Variants in RAB3C observed in about 807,000 individuals in gnomAD.
The protein encoded by RAB3C is ras-related protein Rab-3C.
Under a neutral mutation model 26.4 loss-of-function variants are expected in RAB3C, and 17 were observed. That is an observed-to-expected ratio of 0.64 (90% confidence interval 0.44 to 0.97). RAB3C has a LOEUF of 0.97. Ranked by LOEUF, RAB3C falls within the 50% of genes least tolerant of loss-of-function variation. The pLI, the probability that RAB3C is intolerant of heterozygous loss-of-function variation, is 0.00. For synonymous variants in RAB3C, 91 were observed against 95.9 expected, an observed-to-expected ratio of 0.95 and a Z score of 0.30; for missense variants, 242 against 281.9, an observed-to-expected ratio of 0.86 and a Z score of 1.01.
intron 1 of RAB3C, among the ~76,000 whole-genome samples, chr5:58,609,024 A>G (rs1185814602): frequency 6.6e-6 from 1 of 152,064 alleles, no homozygotes; most frequent in Admixed American, 6.6e-5. Flanking sequence ...GAAACATCAC[A>G]CACTGGGACA....
intron 1 of RAB3C, among the ~76,000 whole-genome samples, chr5:58,601,334 G>T (rs1364903414): frequency 6.6e-6 from 1 of 152,016 alleles, no homozygotes; most frequent in Non-Finnish European, 1.5e-5. Flanking sequence ...TCCTGATTTT[G>T]GTATTAAGGT....
At chr5:58,624,273 A>T (rs1747007597) in intron 2 of RAB3C, among the ~76,000 whole-genome samples, 1 of 152,108 alleles carries the variant, frequency 6.6e-6, no homozygotes, top group African/African-American at 2.4e-5. Context: ...CACAGGGAGG[A>T]TGCCCAACAC....
At position 58,612,518 on chromosome 5, in the gene RAB3C, G is replaced by GTATATATATATATATA. The variant is rs1554044127; in HGVS notation, c.25-5124_25-5123insATATATATATATATAT. On this transcript the variant is annotated intron_variant, in intron 1 of 4. Coordinates refer to ENST00000282878, the MANE Select transcript of RAB3C (RefSeq NM_138453.4). ...TGTGTGTGTGTGTGTGTGTGTGTGT[G>GTATATATATATATATA]TGTATATATATATATATATATATAT... Among the ~76,000 whole-genome samples, 226 of 40,428 alleles carry GTATATATATATATATA rather than the reference G, an allele frequency of 5.6e-3. 5 individuals carry two copies. The highest frequency in any genetic ancestry group is 0.017 in the African/African-American group (215 of 12,488). The allele number at this position is 40,428 out of a possible 152,430, so 26.5% of individuals were successfully genotyped here. A position where few individuals can be genotyped will look rare whatever the true frequency, so the allele number is the denominator to read the frequency against.
intron 3 of RAB3C, among the ~76,000 whole-genome samples, chr5:58,726,534 C>G (rs1416143727): frequency 6.6e-6 from 1 of 151,982 alleles, no homozygotes. Context: ...ACACTCCCCT[C>G]ACTGTTGTCT....
At chr5:58,587,146 A>G (rs1292703784) in intron 1 of RAB3C, among the ~76,000 whole-genome samples, 1 of 152,166 alleles carries the variant, frequency 6.6e-6, no homozygotes, top group Non-Finnish European at 1.5e-5. Flanking sequence ...AACTTAACCT[A>G]TAGCAAAAAT....
At chr5:58,740,772 A>G (rs892901710) in intron 3 of RAB3C, among the ~76,000 whole-genome samples, 1 of 152,292 alleles carries the variant, frequency 6.6e-6, no homozygotes, top group South Asian at 2.1e-4. Context: ...GTGAGCTGAG[A>G]TCATGCCACT....
intron 1 of RAB3C, among the ~76,000 whole-genome samples, chr5:58,583,681 A>G (rs1352171620): frequency 2.6e-5 from 4 of 152,182 alleles, no homozygotes; most frequent in Non-Finnish European, 5.9e-5. Context: ...GGCGCATTAA[A>G]TAAAGAGAAG....
At chr5:58,809,386 A>G (rs1297546359) in intron 3 of RAB3C, among the ~76,000 whole-genome samples, 2 of 28,738 alleles carry the variant, frequency 7.0e-5, no homozygotes, top group East Asian at 7.7e-4. Flanking sequence ...TTTTTCTCAG[A>G]AAAAAAAAAA....
intron 3 of RAB3C, among the ~76,000 whole-genome samples, chr5:58,732,381 A>T (rs183855499): frequency 3.4e-4 from 52 of 152,256 alleles, no homozygotes; most frequent in African/African-American, 1.2e-3. Flanking sequence ...CAGGGCAATA[A>T]GAAACTTCAA....
intron 3 of RAB3C, among the ~76,000 whole-genome samples, chr5:58,727,178 T>G (rs994838270): frequency 6.6e-6 from 1 of 151,988 alleles, no homozygotes; most frequent in African/African-American, 2.4e-5. Flanking sequence ...TACATATATA[T>G]CAGTTCAGTG....
rs147661777 is a variant in RAB3C, at chr5:58,776,774, G to A, written c.372-48264G>A. ...GTCCCACAGGGGTTGGGGAGGTTCC[G>A]CTCTATACACATTTTAGGGTCAAAT... On this transcript the variant is annotated intron_variant, in intron 3 of 4. Transcript: ENST00000282878. Among the ~76,000 whole-genome samples the A allele has an allele frequency of 2.6e-3, 388 of 152,136 alleles. 1 individual carries two copies. Among genetic ancestry groups the A allele is most frequent in the African/African-American group, 8.5e-3 (353 of 41,504 alleles).
rs544440756 is a variant in RAB3C at position 58,819,221 on chromosome 5, T to C, written c.372-5817T>C. ...AACAGCCCCAGAGCATGTAAAATAA[T>C]AGCCTCATTTTACAGATGAAGATAC... On this transcript the variant is annotated intron_variant, in intron 3 of 4. Transcript: ENST00000282878. Among the ~76,000 whole-genome samples the C allele has an allele frequency of 2.0e-5, 3 of 152,148 alleles. No homozygotes were observed. The South Asian group carries it at 6.2e-4, about 32-fold the overall frequency.
intron 2 of RAB3C, among the ~76,000 whole-genome samples, chr5:58,677,103 G>A (rs1331834822): frequency 1.3e-5 from 2 of 152,142 alleles, no homozygotes; most frequent in African/African-American, 4.8e-5. Context: ...TGTGGCTTGA[G>A]GCAGCATAAC....
chr5:58,736,236 A>T (rs983755037), intron 3 of RAB3C, among the ~76,000 whole-genome samples: 1 of 152,052 alleles, frequency 6.6e-6, no homozygotes, highest in Non-Finnish European at 1.5e-5. Flanking sequence ...CTGCCTTCCT[A>T]TCTGGTCTCC....
At chr5:58,801,792 C>A (rs2112027916) in intron 3 of RAB3C, among the ~76,000 whole-genome samples, 1 of 152,332 alleles carries the variant, frequency 6.6e-6, no homozygotes, top group South Asian at 2.1e-4. Flanking sequence ...CAGCAACCAG[C>A]AAAGGCTGCT....
In RAB3C at chr5:58,801,797, G is replaced by C. The variant is rs373512294; in HGVS notation, c.372-23241G>C. 8.5e-5 allele frequency among the ~76,000 whole-genome samples: 13 copies of C among 152,338 alleles called. No individual in the cohort carries two copies. The South Asian group carries it at 1.5e-3, about 17-fold the overall frequency. On this transcript the variant is annotated intron_variant, in intron 3 of 4. Coordinates refer to ENST00000282878, the MANE Select transcript of RAB3C (RefSeq NM_138453.4). ...ACCACTTTGTCAGCAACCAGCAAAG[G>C]CTGCTTAGGGATATAGTGAATCTGC...
intron 2 of RAB3C, among the ~76,000 whole-genome samples, chr5:58,644,736 A>G (rs1329307580): frequency 1.3e-5 from 2 of 152,196 alleles, no homozygotes; most frequent in Non-Finnish European, 2.9e-5. Flanking sequence ...TTTCTGGTAT[A>G]AAAATTATTT....
chr5:58,599,250 T>A (rs1746397258), intron 1 of RAB3C, among the ~76,000 whole-genome samples: 1 of 152,100 alleles, frequency 6.6e-6, no homozygotes, highest in Non-Finnish European at 1.5e-5. Flanking sequence ...TGGAATGGTA[T>A]TTTCCTACTT....
intron 2 of RAB3C, among the ~76,000 whole-genome samples, chr5:58,630,771 A>T (rs1451887517): frequency 6.6e-6 from 1 of 152,232 alleles, no homozygotes; most frequent in Non-Finnish European, 1.5e-5. Context: ...CATTTTCAAT[A>T]CCACTGCTCT....
Sources: gnomAD v4.1 joint callset for allele counts (sites outside exome capture counted in the v4.1 genomes callset) on GRCh38, gnomAD v4.1.1 for gene constraint, MANE v1.5 for transcripts, NCBI Gene and HGNC (gene_info 2026-07-23, HGNC 2026-07-21) for gene names.